The following ADGRB3 variants were observed in gnomAD, a reference collection of about 807,000 sequenced individuals.
ADGRB3 encodes the protein brain-specific angiogenesis inhibitor 3.
ADGRB3 carries 37 observed loss-of-function variants against 193.4 expected under a neutral mutation model. The ratio of observed to expected loss-of-function variants is 0.19; its 90% CI spans 0.15 to 0.25. The LOEUF (loss-of-function observed/expected upper bound fraction) is 0.25. Ranked by LOEUF, ADGRB3 falls within the 10% of genes least tolerant of loss-of-function variation. The pLI is 1.00. For synonymous variants in ADGRB3, 690 were observed against 644.2 expected (o/e 1.07, Z -1.08); for missense variants, 1,637 against 1,852.9 (o/e 0.88, Z 2.14).
At chr6:69,090,670 C>T (rs1772680108) in intron 17 of ADGRB3, among the ~76,000 whole-genome samples, 1 of 152,104 alleles carries the variant, frequency 6.6e-6, no homozygotes, top group South Asian at 2.1e-4. Flanking sequence ...GCCACAAAGT[C>T]AAATAAAGAT....
At chr6:68,751,773 C>T (rs906523830) in intron 3 of ADGRB3, among the ~76,000 whole-genome samples, 1 of 152,044 alleles carries the variant, frequency 6.6e-6, no homozygotes, top group Non-Finnish European at 1.5e-5. Flanking sequence ...TGTTTCATGT[C>T]TATTGAGAAC....
intron 17 of ADGRB3, among the ~76,000 whole-genome samples, chr6:69,115,533 C>T (rs947890869): frequency 1.3e-5 from 2 of 152,026 alleles, no homozygotes; most frequent in African/African-American, 2.4e-5. Context: ...CACCACGGCA[C>T]GTGTATAACT....
chr6:68,722,217 A>G (rs765754309), intron 3 of ADGRB3, among the ~76,000 whole-genome samples: 2 of 151,748 alleles, frequency 1.3e-5, no homozygotes, highest in Non-Finnish European at 2.9e-5. Flanking sequence ...TTCCTATGTT[A>G]GTTTGCTGAG....
intron 3 of ADGRB3, among the ~76,000 whole-genome samples, chr6:68,824,721 AT>A (rs1767810941): frequency 6.7e-6 from 1 of 150,038 alleles, no homozygotes; most frequent in Admixed American, 6.7e-5. Context: ...TCTTCTGGGA[AT>A]TTTTCCCCCT....
At chr6:69,224,178 A>G (rs1455266465) in intron 17 of ADGRB3, among the ~76,000 whole-genome samples, 1 of 152,022 alleles carries the variant, frequency 6.6e-6, no homozygotes, top group Non-Finnish European at 1.5e-5. Flanking sequence ...TCATTTTTAA[A>G]AGGTTTGTGA....
At chr6:68,747,437 T>G (rs1210775346) in intron 3 of ADGRB3, among the ~76,000 whole-genome samples, 1 of 152,240 alleles carries the variant, frequency 6.6e-6, no homozygotes, top group East Asian at 1.9e-4. Flanking sequence ...AAAGAACTTT[T>G]TATTACAGTC....
chr6:69,049,263 C>T lies in ADGRB3; in HGVS notation c.2258-8C>T. The T allele has an allele frequency of 6.3e-7, 1 of 1,580,106 alleles. No homozygotes were observed. The highest frequency in any genetic ancestry group is 8.6e-7 in the Non-Finnish European group (1 of 1,156,638). On this transcript the variant is annotated splice_polypyrimidine_tract_variant and splice_region_variant and intron_variant, in intron 14 of 31. Transcript: ENST00000370598. ...GTTTGCTAATACTTCAAAATTTATT[C>T]TTTCTAGAATTAGATGAATCATCTG...
At chr6:68,968,304 G>A (rs1010679592) in intron 8 of ADGRB3, among the ~76,000 whole-genome samples, 2 of 152,086 alleles carry the variant, frequency 1.3e-5, no homozygotes, top group East Asian at 1.9e-4. Flanking sequence ...TGACCGTGGG[G>A]GAGGGGCAGG....
At chr6:68,876,241 T>C (rs868550602) in intron 3 of ADGRB3, among the ~76,000 whole-genome samples, 1 of 152,106 alleles carries the variant, frequency 6.6e-6, no homozygotes, top group African/African-American at 2.4e-5. Context: ...TGTGAACTGC[T>C]GCCTTGTGAA....
At chr6:69,225,171 A>T (rs932501624) in intron 17 of ADGRB3, among the ~76,000 whole-genome samples, 1 of 152,132 alleles carries the variant, frequency 6.6e-6, no homozygotes, top group Non-Finnish European at 1.5e-5. Context: ...AAACTCTTTG[A>T]TATCACAAGA....
chr6:69,049,026 A>G (rs1044992552), intron 14 of ADGRB3, among the ~76,000 whole-genome samples: 1 of 152,130 alleles, frequency 6.6e-6, no homozygotes, highest in South Asian at 2.1e-4. Flanking sequence ...AAACTCTTAA[A>G]TGGAGACTAA....
At chr6:68,779,800 G>A (rs1355519279) in intron 3 of ADGRB3, among the ~76,000 whole-genome samples, 1 of 152,050 alleles carries the variant, frequency 6.6e-6, no homozygotes, top group South Asian at 2.1e-4. Context: ...ATACAATGGA[G>A]GAAATGAGAG....
At chr6:69,314,248 T>C (rs907754649) in intron 20 of ADGRB3, among the ~76,000 whole-genome samples, 9 of 151,844 alleles carry the variant, frequency 5.9e-5, no homozygotes, top group Admixed American at 5.9e-4. Flanking sequence ...GAACAGATTT[T>C]TTTCTCTGCT....
chr6:69,361,138 T>G lies in ADGRB3; in HGVS notation c.3865T>G (p.Leu1289Val). 6.2e-7 allele frequency: 1 copy of G among 1,612,822 alleles called. No homozygotes were observed. The highest frequency in any genetic ancestry group is 8.5e-7 in the Non-Finnish European group (1 of 1,179,272). ...TGTGTACTTATGTACGGATGATAATTTGAGAGGGGCTGACATGGACATAGT... is the reference window on the plus strand; with the variant it reads ...TGTGTACTTATGTACGGATGATAATGTGAGAGGGGCTGACATGGACATAGT... ...RTVYLCTDDN[L>V]RGADMDIVHP... Residue 1289 changes from leucine to valine, a missense_variant, in exon 29 of 32, where the codon TTG becomes GTG. Leu to Val is a conservative substitution (Grantham distance 32). Coordinates refer to ENST00000370598, the MANE Select transcript of ADGRB3 (RefSeq NM_001704.3).
intron 17 of ADGRB3, among the ~76,000 whole-genome samples, chr6:69,172,296 G>A (rs1451563105): frequency 2.0e-5 from 3 of 152,020 alleles, no homozygotes; most frequent in South Asian, 2.1e-4. Context: ...CAATACAGAC[G>A]AGATCCCTGC....
intron 3 of ADGRB3, among the ~76,000 whole-genome samples, chr6:68,839,576 G>T (rs1451941594): frequency 6.6e-6 from 1 of 152,156 alleles, no homozygotes; most frequent in Admixed American, 6.5e-5. Flanking sequence ...TGTGGACTCT[G>T]TCTGTACCTA....
chr6:69,085,989 T>A (rs1291031003), intron 17 of ADGRB3, among the ~76,000 whole-genome samples: 2 of 151,878 alleles, frequency 1.3e-5, no homozygotes, highest in African/African-American at 4.8e-5. Context: ...ATGATTTTGA[T>A]TAAAAAAAGA....
intron 20 of ADGRB3, among the ~76,000 whole-genome samples, chr6:69,259,908 C>T (rs1413723566): frequency 2.6e-5 from 4 of 151,858 alleles, no homozygotes; most frequent in Admixed American, 6.5e-5. Flanking sequence ...TTATAATAAG[C>T]CTAACTACAA....
intron 17 of ADGRB3, among the ~76,000 whole-genome samples, chr6:69,093,152 G>T (rs3799030): frequency 6.6e-6 from 1 of 151,510 alleles, no homozygotes; most frequent in East Asian, 1.9e-4. Flanking sequence ...GGAAGCCTAC[G>T]TTCAGGGGTA....
Sources: gnomAD v4.1 joint callset for allele counts (sites outside exome capture counted in the v4.1 genomes callset) on GRCh38, gnomAD v4.1.1 for gene constraint, MANE v1.5 for transcripts, NCBI Gene and HGNC (gene_info 2026-07-23, HGNC 2026-07-21) for gene names.